DMRT1: variants seen among roughly 807,000 people sequenced by gnomAD.
The protein encoded by DMRT1 is doublesex- and mab-3-related transcription factor 1.
Under a neutral mutation model 32.3 loss-of-function variants are expected in DMRT1, and 7 were observed. The ratio of observed to expected loss-of-function variants is 0.22; its 90% CI spans 0.12 to 0.41. DMRT1 has a LOEUF of 0.41. DMRT1 is among the 10% of genes least tolerant of loss of function. The probability of loss-of-function intolerance (pLI) is 1.00; values close to 1 mark genes in which losing one functional copy is unlikely to be tolerated. For synonymous variants in DMRT1, 278 were observed against 206.1 expected (o/e 1.35, Z -2.99); for missense variants, 625 against 500.5 (o/e 1.25, Z -2.37).
At chr9:922,515 A>G (rs1197111006) in intron 4 of DMRT1, among the ~76,000 whole-genome samples, 1 of 152,214 alleles carries the variant, frequency 6.6e-6, no homozygotes, top group Non-Finnish European at 1.5e-5. Flanking sequence ...GGCACTGCAC[A>G]TTTGAGAATA....
At chr9:912,239 T>A (rs557866831) in intron 3 of DMRT1, among the ~76,000 whole-genome samples, 1 of 152,342 alleles carries the variant, frequency 6.6e-6, no homozygotes, top group South Asian at 2.1e-4. Context: ...ACCGCCCCCA[T>A]GATCCAATCA....
intron 2 of DMRT1, among the ~76,000 whole-genome samples, chr9:875,779 T>TGTGTAC (rs1378646958): frequency 6.6e-6 from 1 of 152,168 alleles, no homozygotes; most frequent in African/African-American, 2.4e-5. Flanking sequence ...TATGTATGTA[T>TGTGTAC]GTATGTGTAC....
chr9:951,556 C>T (rs1384799654), intron 4 of DMRT1, among the ~76,000 whole-genome samples: 2 of 152,176 alleles, frequency 1.3e-5, no homozygotes, highest in South Asian at 2.1e-4. Flanking sequence ...CTAGAAGCTT[C>T]CTCTTTAAAA....
intron 4 of DMRT1, among the ~76,000 whole-genome samples, chr9:945,514 AC>A (rs1819213712): frequency 6.6e-6 from 1 of 152,160 alleles, no homozygotes; most frequent in South Asian, 2.1e-4. Flanking sequence ...TCAAGATGAA[AC>A]TTGCTACACT....
chr9:909,869 T>G (rs1817910547), intron 3 of DMRT1, among the ~76,000 whole-genome samples: 1 of 152,124 alleles, frequency 6.6e-6, no homozygotes, highest in Admixed American at 6.6e-5. Flanking sequence ...TGCACCACCA[T>G]GCCTGCCTAA....
intron 3 of DMRT1, among the ~76,000 whole-genome samples, chr9:912,371 C>G (rs1462106423): frequency 6.6e-6 from 1 of 152,144 alleles, no homozygotes; most frequent in East Asian, 1.9e-4. Context: ...GGAGTCTGAC[C>G]CTTTGTATCT....
intron 3 of DMRT1, 156 bp downstream of exon 3, chr9:894,351 A>G: frequency 1.3e-6 from 1 of 794,600 alleles, no homozygotes; most frequent in Non-Finnish European, 2.1e-6. Flanking sequence ...TGTGTGTGCC[A>G]TTTTGCACAC....
intron 4 of DMRT1, among the ~76,000 whole-genome samples, chr9:957,883 G>A (rs371950431): frequency 3.9e-5 from 6 of 152,130 alleles, no homozygotes; most frequent in Non-Finnish European, 5.9e-5. Flanking sequence ...GGTGGCGGGC[G>A]CCTGTAATCC....
rs148661449 is a variant in DMRT1 at position 932,695 on chromosome 9, G to A, written c.967+15788G>A. On this transcript the variant is annotated intron_variant, in intron 4 of 4. Coordinates refer to ENST00000382276, the MANE Select transcript of DMRT1 (RefSeq NM_021951.3). Reference sequence around the variant, plus strand: ...CATTTTAGGCTCCAGCTGAAAATGGGGTGCCCAGGTTATCCACATTTCTAC... The same window carrying A: ...CATTTTAGGCTCCAGCTGAAAATGGAGTGCCCAGGTTATCCACATTTCTAC... Among the ~76,000 whole-genome samples, 73 of 152,178 alleles carry A rather than the reference G, an allele frequency of 4.8e-4. No individual in the cohort carries two copies. The Middle Eastern group carries it at 0.01, about 21-fold the overall frequency.
At chr9:855,813 C>A (rs906561024) in intron 2 of DMRT1, among the ~76,000 whole-genome samples, 2 of 152,150 alleles carry the variant, frequency 1.3e-5, no homozygotes, top group African/African-American at 4.8e-5. Context: ...AGATGGGGAT[C>A]TCGCTGTGTT....
chr9:966,868 C>T (rs1819947056), intron 4 of DMRT1, among the ~76,000 whole-genome samples: 1 of 152,240 alleles, frequency 6.6e-6, no homozygotes, highest in Non-Finnish European at 1.5e-5. Context: ...CAAATGACTT[C>T]AGCACTCAGC....
intron 1 of DMRT1, among the ~76,000 whole-genome samples, chr9:844,648 A>T (rs995092200): frequency 6.6e-6 from 1 of 151,848 alleles, no homozygotes; most frequent in African/African-American, 2.4e-5. Context: ...CCAATTAATC[A>T]GCTTCCTGTG....
chr9:938,907 A>G (rs1434936077), intron 4 of DMRT1, among the ~76,000 whole-genome samples: 1 of 152,228 alleles, frequency 6.6e-6, no homozygotes, highest in African/African-American at 2.4e-5. Flanking sequence ...TTGAACACTA[A>G]TAGCCTGATT....
At chr9:907,783 A>C (rs891439850) in intron 3 of DMRT1, among the ~76,000 whole-genome samples, 12 of 151,792 alleles carry the variant, frequency 7.9e-5, no homozygotes, top group African/African-American at 2.9e-4. Context: ...GTTCTGTTCT[A>C]TTCTATTGCA....
At chr9:907,306 G>T (rs1223866114) in intron 3 of DMRT1, among the ~76,000 whole-genome samples, 4 of 152,118 alleles carry the variant, frequency 2.6e-5, no homozygotes, top group Non-Finnish European at 5.9e-5. Context: ...ATTTATGCCT[G>T]GTATACATGG....
intron 4 of DMRT1, among the ~76,000 whole-genome samples, chr9:946,825 C>T (rs1041384478): frequency 6.6e-6 from 1 of 152,146 alleles, no homozygotes; most frequent in Admixed American, 6.5e-5. Context: ...TACGTCCTTT[C>T]TGTGCTAATG....
Position 846,951 on chromosome 9 carries a change from T to C in DMRT1, c.355-9T>C. On this transcript the variant is annotated splice_polypyrimidine_tract_variant and intron_variant, in intron 1 of 4. Coordinates refer to ENST00000382276, the MANE Select transcript of DMRT1 (RefSeq NM_021951.3). ...TGCTGGAGGATGACTCATTGTCGTG[T>C]GCTTCCAGGTGGCCCTGAGAAGGCA... 6.2e-7 allele frequency: 1 copy of C among 1,614,096 alleles called. No homozygotes were observed. Among genetic ancestry groups the C allele is most frequent in the Non-Finnish European group, 8.5e-7 (1 of 1,180,044 alleles).
intron 4 of DMRT1, among the ~76,000 whole-genome samples, chr9:918,741 C>G (rs942444347): frequency 2.8e-5 from 4 of 142,428 alleles, no homozygotes; most frequent in African/African-American, 1.0e-4. Flanking sequence ...AATCTCAGCA[C>G]TATCTACTTT....
intron 2 of DMRT1, among the ~76,000 whole-genome samples, chr9:867,247 T>G (rs1816030825): frequency 6.6e-6 from 1 of 152,058 alleles, no homozygotes; most frequent in Non-Finnish European, 1.5e-5. Context: ...AATTCTCACA[T>G]TAGTTTGTGT....
Sources: gnomAD v4.1 joint callset for allele counts (sites outside exome capture counted in the v4.1 genomes callset) on GRCh38, gnomAD v4.1.1 for gene constraint, MANE v1.5 for transcripts, NCBI Gene and HGNC (gene_info 2026-07-23, HGNC 2026-07-21) for gene names.